Variants in MAGI1 observed in about 807,000 individuals in gnomAD.
The protein encoded by MAGI1 is membrane associated guanylate kinase, WW and PDZ domain containing 1.
Under a neutral mutation model 139.9 loss-of-function variants are expected in MAGI1, and 58 were observed. The ratio of observed to expected loss-of-function variants is 0.41; its 90% CI spans 0.34 to 0.52. The LOEUF is 0.52. MAGI1 is among the 20% of genes least tolerant of loss of function. The pLI is 0.12. For missense variants in MAGI1, 1,874 were observed against 1,901.6 expected, an observed-to-expected ratio of 0.99 and a Z score of 0.27; for synonymous variants, 812 against 737.9, an observed-to-expected ratio of 1.10 and a Z score of -1.63.
At chr3:65,824,089 T>C (rs1431765525) in intron 1 of MAGI1, among the ~76,000 whole-genome samples, 1 of 152,220 alleles carries the variant, frequency 6.6e-6, no homozygotes, top group African/African-American at 2.4e-5. Flanking sequence ...TACTGATTAT[T>C]TTTACCACAC....
intron 1 of MAGI1, among the ~76,000 whole-genome samples, chr3:65,912,785 TA>T (rs1450045308): frequency 6.6e-6 from 1 of 152,050 alleles, no homozygotes; most frequent in Non-Finnish European, 1.5e-5. Context: ...CATTAACAAA[TA>T]TCCCCAGAGG....
chr3:65,378,035 C>A (rs1942698387), intron 17 of MAGI1, among the ~76,000 whole-genome samples: 1 of 152,202 alleles, frequency 6.6e-6, no homozygotes, highest in African/African-American at 2.4e-5. Flanking sequence ...CCCACACAGC[C>A]TGCACAGCCC....
In MAGI1 at chr3:65,857,268, T is replaced by C. The variant is rs77997881; in HGVS notation, c.313+180728A>G. The stretch of plus-strand genomic sequence containing the variant: ...CATGAGAGAGTACAGCACAAAAATC[T>C]AGTACTGGTTCAGATTTTATGAACC... On this transcript the variant is annotated intron_variant, in intron 1 of 22. Transcript: ENST00000402939. Among the ~76,000 whole-genome samples the C allele has an allele frequency of 5.6e-3, 848 of 152,304 alleles. 13 individuals carry two copies. Among genetic ancestry groups the C allele is most frequent in the African/African-American group, 0.02 (811 of 41,572 alleles).
intron 1 of MAGI1, among the ~76,000 whole-genome samples, chr3:65,888,211 A>G (rs145048607): frequency 2.0e-4 from 31 of 152,262 alleles, no homozygotes; most frequent in South Asian, 1.9e-3. Flanking sequence ...CCTAGAACAG[A>G]TTTTTCCTAA....
At chr3:65,804,471 G>GAT (rs1474505393) in intron 1 of MAGI1, among the ~76,000 whole-genome samples, 1 of 151,388 alleles carries the variant, frequency 6.6e-6, no homozygotes, top group Non-Finnish European at 1.5e-5. Context: ...ATGTTATACT[G>GAT]ATATAAATTA....
chr3:65,449,013 CAT>C (rs536678812), intron 6 of MAGI1, among the ~76,000 whole-genome samples: 27 of 151,476 alleles, frequency 1.8e-4, no homozygotes, highest in African/African-American at 4.4e-4. Flanking sequence ...GCCTTCTGCA[CAT>C]GTTAGGTACT....
chr3:65,458,839 G>A (rs903711837), intron 5 of MAGI1, among the ~76,000 whole-genome samples: 1 of 152,214 alleles, frequency 6.6e-6, no homozygotes, highest in East Asian at 1.9e-4. Context: ...TGCTTTGGTT[G>A]CCTGTGCTTA....
In MAGI1 at chr3:65,598,547, T is replaced by G. The variant is rs533044643; in HGVS notation, c.430+23425A>C. ...ATAATAACTCTTATGTTTGAAATAA[T>G]TGTCTTCCTTTGGAGTTAAAATAAA... On this transcript the variant is annotated intron_variant, in intron 2 of 22. Coordinates refer to ENST00000402939, the MANE Select transcript of MAGI1 (RefSeq NM_001033057.2). Among the ~76,000 whole-genome samples the G allele has an allele frequency of 2.6e-5, 4 of 152,200 alleles. No homozygotes were observed. In the East Asian group the frequency reaches 5.8e-4, roughly 22 times the overall value.
At chr3:65,685,312 A>T (rs1381726442) in intron 1 of MAGI1, among the ~76,000 whole-genome samples, 2 of 123,568 alleles carry the variant, frequency 1.6e-5, no homozygotes, top group Admixed American at 7.5e-5. Context: ...TTCTTCATTT[A>T]AAAAAAAAAA....
chr3:65,653,578 C>T (rs751455668), intron 1 of MAGI1, among the ~76,000 whole-genome samples: 6 of 152,076 alleles, frequency 3.9e-5, no homozygotes, highest in African/African-American at 9.7e-5. Context: ...TTATAAAACC[C>T]GAATCATTGA....
chr3:66,022,030 C>T (rs999054945), intron 1 of MAGI1, among the ~76,000 whole-genome samples: 3 of 152,096 alleles, frequency 2.0e-5, no homozygotes, highest in African/African-American at 7.2e-5. Context: ...AGCCTTTTCC[C>T]GAATGTCTCT....
chr3:65,833,212 G>A (rs145042434), intron 1 of MAGI1, among the ~76,000 whole-genome samples: 10 of 151,958 alleles, frequency 6.6e-5, no homozygotes, highest in African/African-American at 1.4e-4. Flanking sequence ...TCCGTCTCCC[G>A]GCTTCAAGAG....
At chr3:65,532,394 T>A (rs112700255) in intron 2 of MAGI1, among the ~76,000 whole-genome samples, 2,409 of 152,314 alleles carry the variant, frequency 0.016, 29 homozygotes, top group Middle Eastern at 0.027. Flanking sequence ...CATTCTCCCG[T>A]GCTTTCGAAC....
intron 1 of MAGI1, among the ~76,000 whole-genome samples, chr3:65,853,845 C>T (rs2059287874): frequency 6.6e-6 from 1 of 152,164 alleles, no homozygotes; most frequent in South Asian, 2.1e-4. Context: ...TGGCTCACAT[C>T]TATAATCCCA....
At chr3:65,792,204 C>T (rs951860234) in intron 1 of MAGI1, among the ~76,000 whole-genome samples, 1 of 152,124 alleles carries the variant, frequency 6.6e-6, no homozygotes, top group African/African-American at 2.4e-5. Flanking sequence ...GTGGCTCATG[C>T]CTATCATCCC....
intron 1 of MAGI1, among the ~76,000 whole-genome samples, chr3:65,980,666 A>C (rs2065527562): frequency 6.6e-6 from 1 of 152,050 alleles, no homozygotes; most frequent in Admixed American, 6.6e-5. Context: ...GGTATATATA[A>C]GAGAACTAGT....
intron 1 of MAGI1, among the ~76,000 whole-genome samples, chr3:65,734,262 G>C (rs570067884): frequency 6.6e-6 from 1 of 152,150 alleles, no homozygotes; most frequent in East Asian, 1.9e-4. Flanking sequence ...AGGAGTTCGA[G>C]CACCCTGAGC....
chr3:65,537,045 T>C (rs887778504), intron 2 of MAGI1, among the ~76,000 whole-genome samples: 5 of 152,156 alleles, frequency 3.3e-5, no homozygotes, highest in Admixed American at 6.5e-5. Flanking sequence ...TTAAGTGAAA[T>C]AGAAGTGTTA....
intron 1 of MAGI1, among the ~76,000 whole-genome samples, chr3:65,859,653 A>C (rs940600886): frequency 6.6e-6 from 1 of 151,478 alleles, no homozygotes; most frequent in Non-Finnish European, 1.5e-5. Context: ...CCTGGGAGGC[A>C]GAGGTTGCAG....
Sources: allele counts gnomAD v4.1 joint callset (sites outside exome capture counted in the v4.1 genomes callset), GRCh38; gene constraint gnomAD v4.1.1; transcripts MANE v1.5; gene names NCBI Gene and HGNC (gene_info 2026-07-23, HGNC 2026-07-21).